The following SH3GL2 variants were observed in gnomAD, a reference collection of about 807,000 sequenced individuals.
SH3GL2 encodes the protein SH3 domain containing GRB2 like 2, endophilin A1.
Under a neutral mutation model 46.0 loss-of-function variants are expected in SH3GL2, and 24 were observed. The ratio of observed to expected loss-of-function variants is 0.52; its 90% CI spans 0.38 to 0.73. SH3GL2 has a LOEUF of 0.73. Ranked by LOEUF, SH3GL2 falls within the 30% of genes least tolerant of loss-of-function variation. SH3GL2 has a pLI of 0.00. For missense variants in SH3GL2, 413 were observed against 424.2 expected, an observed-to-expected ratio of 0.97 and a Z score of 0.23; for synonymous variants, 196 against 147.1, an observed-to-expected ratio of 1.33 and a Z score of -2.40.
At chr9:17,612,687 G>T (rs1017063491) in intron 1 of SH3GL2, among the ~76,000 whole-genome samples, 2 of 152,158 alleles carry the variant, frequency 1.3e-5, no homozygotes, top group Non-Finnish European at 2.9e-5. Context: ...ATACCATGCA[G>T]TTCACCTATT....
chr9:17,720,235 A>G (rs1162613543), intron 1 of SH3GL2, among the ~76,000 whole-genome samples: 1 of 152,184 alleles, frequency 6.6e-6, no homozygotes, highest in East Asian at 1.9e-4. Flanking sequence ...ATGCCTCTTT[A>G]CAGACAGGAG....
intron 1 of SH3GL2, among the ~76,000 whole-genome samples, chr9:17,613,707 A>C (rs967797462): frequency 6.6e-6 from 1 of 152,210 alleles, no homozygotes; most frequent in Non-Finnish European, 1.5e-5. Context: ...TATAATGCTC[A>C]TTATGGGAGG....
intron 3 of SH3GL2, among the ~76,000 whole-genome samples, chr9:17,775,560 T>C (rs1588324782): frequency 6.6e-6 from 1 of 152,294 alleles, no homozygotes; most frequent in East Asian, 1.9e-4. Context: ...TCAGGGCTCT[T>C]TCTAAGTTTC....
chr9:17,714,683 C>T (rs900961830), intron 1 of SH3GL2, among the ~76,000 whole-genome samples: 5 of 151,624 alleles, frequency 3.3e-5, no homozygotes, highest in African/African-American at 7.3e-5. Flanking sequence ...TTACTGTTGT[C>T]GTATATATAT....
intron 1 of SH3GL2, among the ~76,000 whole-genome samples, chr9:17,698,173 TG>T (rs1821255642): frequency 2.0e-5 from 3 of 152,224 alleles, no homozygotes; most frequent in African/African-American, 7.2e-5. Context: ...TTTGCAGTCC[TG>T]GCTTCAAGTC....
At position 17,660,856 on chromosome 9, in the gene SH3GL2, A is replaced by T. The variant is rs916849018; in HGVS notation, c.45+81569A>T. 7.9e-5 allele frequency among the ~76,000 whole-genome samples: 12 copies of T among 152,338 alleles called. No homozygotes were observed. The East Asian group carries it at 1.9e-3, about 24-fold the overall frequency. On this transcript the variant is annotated intron_variant, in intron 1 of 8. Coordinates refer to ENST00000380607, the MANE Select transcript of SH3GL2 (RefSeq NM_003026.5). ...TTGTAAGAACAATTAGGTTAATTAC[A>T]AAGTGGCTTAAAATTAATGTTCAGG...
intron 1 of SH3GL2, among the ~76,000 whole-genome samples, chr9:17,641,811 A>AT (rs368560122): frequency 0.049 from 7,429 of 152,124 alleles, 331 homozygotes; most frequent in African/African-American, 0.12. Context: ...TGGTTTATTT[A>AT]TGCCACATTT....
intron 1 of SH3GL2, among the ~76,000 whole-genome samples, chr9:17,702,236 C>T (rs1261368700): frequency 1.3e-5 from 2 of 151,936 alleles, no homozygotes; most frequent in African/African-American, 4.8e-5. Flanking sequence ...TTCACATTGG[C>T]AGGACCAGGA....
At chr9:17,736,911 A>G (rs958476780) in intron 1 of SH3GL2, among the ~76,000 whole-genome samples, 2 of 152,176 alleles carry the variant, frequency 1.3e-5, no homozygotes, top group Non-Finnish European at 1.5e-5. Context: ...GGATGTGAAC[A>G]GAGCAGGACT....
At chr9:17,781,575 A>G (rs1164510143) in intron 3 of SH3GL2, among the ~76,000 whole-genome samples, 1 of 152,138 alleles carries the variant, frequency 6.6e-6, no homozygotes, top group Non-Finnish European at 1.5e-5. Flanking sequence ...ATATACACCT[A>G]GAAGTGGAGT....
intron 1 of SH3GL2, among the ~76,000 whole-genome samples, chr9:17,583,405 A>T (rs747734044): frequency 2.2e-4 from 33 of 152,130 alleles, no homozygotes; most frequent in Non-Finnish European, 2.9e-5. Context: ...GCTCTCTTAA[A>T]AGAAGTTGAA....
chr9:17,754,554 T>C lies in SH3GL2; in HGVS notation c.115-6883T>C, dbSNP rs541030267. Among the ~76,000 whole-genome samples the C allele has an allele frequency of 3.3e-5, 5 of 152,160 alleles. No individual in the cohort carries two copies. The East Asian group carries it at 9.7e-4, about 29-fold the overall frequency. On this transcript the variant is annotated intron_variant, in intron 2 of 8. Transcript: ENST00000380607. ...TGGGTATGGTGGCAGGCGCCTGTAG[T>C]CCCAGCTACTCGGGAGGCTGAGGCA...
chr9:17,776,985 C>G (rs1387781902), intron 3 of SH3GL2, among the ~76,000 whole-genome samples: 2 of 152,160 alleles, frequency 1.3e-5, no homozygotes, highest in African/African-American at 4.8e-5. Context: ...AAGAGTAGCT[C>G]CCACGGATAG....
chr9:17,740,872 G>T (rs1045978572), intron 1 of SH3GL2, among the ~76,000 whole-genome samples: 1 of 151,972 alleles, frequency 6.6e-6, no homozygotes, highest in Non-Finnish European at 1.5e-5. Flanking sequence ...AGATGATGTT[G>T]GTTTTCATTC....
chr9:17,765,862 C>A (rs995445492), intron 3 of SH3GL2, among the ~76,000 whole-genome samples: 1 of 152,178 alleles, frequency 6.6e-6, no homozygotes, highest in Admixed American at 6.5e-5. Context: ...CAGCTCAGTT[C>A]CAGGCAGCCA....
At chr9:17,762,422 G>A (rs369655377) in intron 3 of SH3GL2, among the ~76,000 whole-genome samples, 177 of 151,720 alleles carry the variant, frequency 1.2e-3, no homozygotes, top group African/African-American at 4.1e-3. Flanking sequence ...AAAAGGGGGC[G>A]GGTGTGGGCT....
rs954322803 is a variant in SH3GL2, at chr9:17,645,838, C to T, written c.45+66551C>T. 5.9e-5 allele frequency among the ~76,000 whole-genome samples: 9 copies of T among 152,112 alleles called. No homozygotes were observed. In the East Asian group the frequency reaches 7.8e-4, roughly 13 times the overall value. ...TTCATTTCAACCTTGGTGAATCTGA[C>T]GATTATGTGTCTTGGGGTTGCTCTT... On this transcript the variant is annotated intron_variant, in intron 1 of 8. Coordinates refer to ENST00000380607, the MANE Select transcript of SH3GL2 (RefSeq NM_003026.5).
At chr9:17,646,717 A>G (rs149489410) in intron 1 of SH3GL2, among the ~76,000 whole-genome samples, 1,691 of 152,232 alleles carry the variant, frequency 0.011, 33 homozygotes, top group African/African-American at 0.038. Context: ...CAGAACAGCA[A>G]AGATTGATGC....
chr9:17,617,356 C>T (rs1315876913), intron 1 of SH3GL2, among the ~76,000 whole-genome samples: 1 of 152,144 alleles, frequency 6.6e-6, no homozygotes, highest in Non-Finnish European at 1.5e-5. Flanking sequence ...GGAATTAGAT[C>T]TCTATCATTG....
Sources: allele counts gnomAD v4.1 joint callset (sites outside exome capture counted in the v4.1 genomes callset), GRCh38; gene constraint gnomAD v4.1.1; transcripts MANE v1.5; gene names NCBI Gene and HGNC (gene_info 2026-07-23, HGNC 2026-07-21).